The following ETS1 variants were observed in gnomAD, a reference collection of about 807,000 sequenced individuals.
The protein encoded by ETS1 is ETS proto-oncogene 1, transcription factor.
ETS1 carries 15 observed loss-of-function variants against 58.6 expected under a neutral mutation model. That is an observed-to-expected ratio of 0.26 (90% CI 0.17 to 0.39). ETS1 has a LOEUF of 0.39. Ranked by LOEUF, ETS1 falls within the 10% of genes least tolerant of loss-of-function variation. ETS1 has a pLI of 1.00. For synonymous variants in ETS1, 214 were observed against 218.2 expected, an observed-to-expected ratio of 0.98 and a Z score of 0.17; for missense variants, 417 against 610.5, an observed-to-expected ratio of 0.68 and a Z score of 3.34.
chr11:128,507,440 G>A (rs931122180), intron 3 of ETS1, among the ~76,000 whole-genome samples: 1 of 152,180 alleles, frequency 6.6e-6, no homozygotes, highest in Non-Finnish European at 1.5e-5. Flanking sequence ...CTTGGCAGCC[G>A]GCTCAGTGCT....
intron 5 of ETS1, 41 bp downstream of exon 5, chr11:128,489,249 C>T: frequency 6.3e-7 from 1 of 1,577,630 alleles, no homozygotes; most frequent in African/African-American, 1.3e-5. Context: ...CTCACAGCAA[C>T]CCCACATAAC....
intron 3 of ETS1, among the ~76,000 whole-genome samples, chr11:128,498,356 C>T (rs4245076): frequency 0.65 from 98,372 of 152,096 alleles, 32,350 homozygotes; most frequent in Middle Eastern, 0.82. Context: ...GAAAAACAAA[C>T]GCAAAAATCA....
chr11:128,580,724 G>A (rs1864853720), intron 1 of ETS1, among the ~76,000 whole-genome samples: 1 of 152,142 alleles, frequency 6.6e-6, no homozygotes, highest in Non-Finnish European at 1.5e-5. Context: ...TAAGCTAAGT[G>A]CATTTATTCT....
At chr11:128,494,276 T>TTGCAATTATA (rs1400689815) in intron 3 of ETS1, among the ~76,000 whole-genome samples, 3 of 152,212 alleles carry the variant, frequency 2.0e-5, no homozygotes, top group African/African-American at 7.2e-5. Flanking sequence ...CATAAATATA[T>TTGCAATTATA]TGCAATTATA....
At position 128,472,044 on chromosome 11, in the gene ETS1, C is replaced by T. The variant is rs769753334; in HGVS notation, c.1123+8147G>A. Among the ~76,000 whole-genome samples the T allele has an allele frequency of 1.6e-4, 24 of 152,224 alleles. 1 individual carries two copies. Among genetic ancestry groups the T allele is most frequent in the Admixed American group, 9.2e-4 (14 of 15,284 alleles). ...ATATAATCTCTGAACACTCCTCAAA[C>T]GTAGCCAGAGTGTGTTGAATAGCAA... On this transcript the variant is annotated intron_variant, in intron 8 of 9. Transcript: ENST00000392668.
chr11:128,571,837 G>A (rs1945287192), intron 2 of ETS1: 2 of 152,194 alleles, frequency 1.3e-5, no homozygotes, highest in South Asian at 4.1e-4. Context: ...GAGGTCAGGA[G>A]TTTGAGACCA....
intron 9 of ETS1, among the ~76,000 whole-genome samples, chr11:128,462,920 CA>C (rs1861941131): frequency 6.6e-6 from 1 of 152,224 alleles, no homozygotes; most frequent in African/African-American, 2.4e-5. Flanking sequence ...CCTTGCTTTG[CA>C]AGCATGAAAT....
At chr11:128,500,774 A>G (rs1365577537) in intron 3 of ETS1, among the ~76,000 whole-genome samples, 1 of 152,162 alleles carries the variant, frequency 6.6e-6, no homozygotes, top group Non-Finnish European at 1.5e-5. Context: ...GAAGCAACAC[A>G]GTATGCGTGC....
chr11:128,533,474 G>C (rs1863929708), intron 3 of ETS1, among the ~76,000 whole-genome samples: 1 of 152,154 alleles, frequency 6.6e-6, no homozygotes, highest in Non-Finnish European at 1.5e-5. Flanking sequence ...GCCAAAATTG[G>C]TCCTCTTTAC....
intron 3 of ETS1, among the ~76,000 whole-genome samples, chr11:128,507,512 A>G (rs912161262): frequency 3.3e-5 from 5 of 152,222 alleles, no homozygotes; most frequent in African/African-American, 1.2e-4. Flanking sequence ...AGTGGCGCAC[A>G]GCTGTTTAAA....
intron 5 of ETS1, among the ~76,000 whole-genome samples, chr11:128,488,835 T>C (rs751140664): frequency 2.0e-5 from 3 of 152,182 alleles, no homozygotes; most frequent in Non-Finnish European, 4.4e-5. Flanking sequence ...GAGAAATCTG[T>C]CTTATTAATA....
At chr11:128,498,281 T>C (rs956679176) in intron 3 of ETS1, among the ~76,000 whole-genome samples, 1 of 152,124 alleles carries the variant, frequency 6.6e-6, no homozygotes, top group Non-Finnish European at 1.5e-5. Context: ...TTCCCAATGC[T>C]TACAGAAACA....
At chr11:128,520,714 G>T (rs1018779900) in intron 3 of ETS1, among the ~76,000 whole-genome samples, 1 of 152,290 alleles carries the variant, frequency 6.6e-6, no homozygotes, top group African/African-American at 2.4e-5. Context: ...GAATGTCAGG[G>T]GACCCAGAGG....
intron 8 of ETS1, among the ~76,000 whole-genome samples, chr11:128,475,637 C>T (rs1004229700): frequency 1.5e-4 from 22 of 147,346 alleles, no homozygotes; most frequent in African/African-American, 4.5e-4. Flanking sequence ...CTGCAAGCTC[C>T]GCCTCCTGGG....
Position 128,503,574 on chromosome 11 carries a change from C to T in ETS1, c.215-12998G>A, listed in dbSNP as rs117649479. Among the ~76,000 whole-genome samples, 62 of 152,310 alleles carry T rather than the reference C, an allele frequency of 4.1e-4. 1 individual carries two copies. In the East Asian group the frequency reaches 6.6e-3, roughly 16 times the overall value. On this transcript the variant is annotated intron_variant, in intron 3 of 9. Coordinates refer to ENST00000392668, the MANE Select transcript of ETS1 (RefSeq NM_001143820.2). The stretch of plus-strand genomic sequence containing the variant: ...ACTGAAATTCAGATGAAACATTGGA[C>T]CACCTAAAATAGACCAAACTGTGAA...
chr11:128,537,443 G>A (rs1403278616), intron 3 of ETS1, among the ~76,000 whole-genome samples: 2 of 152,194 alleles, frequency 1.3e-5, no homozygotes, highest in African/African-American at 4.8e-5. Context: ...AGGATCCCAA[G>A]TGATGTATCT....
chr11:128,493,138 A>T (rs541875178), intron 3 of ETS1, among the ~76,000 whole-genome samples: 1 of 152,228 alleles, frequency 6.6e-6, no homozygotes, highest in Non-Finnish European at 1.5e-5. Context: ...GTTCTGCTGT[A>T]GCGGGAACTG....
At chr11:128,477,926 A>G (rs1206911011) in intron 8 of ETS1, among the ~76,000 whole-genome samples, 1 of 152,144 alleles carries the variant, frequency 6.6e-6, no homozygotes, top group Non-Finnish European at 1.5e-5. Flanking sequence ...TCCTGCCACC[A>G]AGATAAGAAT....
chr11:128,500,188 G>A (rs950360518), intron 3 of ETS1, among the ~76,000 whole-genome samples: 1 of 152,104 alleles, frequency 6.6e-6, no homozygotes, highest in Non-Finnish European at 1.5e-5. Flanking sequence ...CAGAGGAGGA[G>A]AGCTGGCCAA....
Sources: allele counts gnomAD v4.1 joint callset (sites outside exome capture counted in the v4.1 genomes callset), GRCh38; gene constraint gnomAD v4.1.1; transcripts MANE v1.5; gene names NCBI Gene and HGNC (gene_info 2026-07-23, HGNC 2026-07-21).